The following GPC1 variants were observed in gnomAD, a reference collection of about 807,000 sequenced individuals.
GPC1 encodes glypican 1, also known as glypican-1.
In GPC1, 26 loss-of-function variants were observed where a neutral mutation model predicts 51.5. That is an observed-to-expected ratio of 0.50 (90% confidence interval 0.37 to 0.70). The LOEUF is 0.70. Among genes scored for constraint, GPC1 ranks in the 30% least tolerant of loss-of-function variants. The pLI, the probability that GPC1 is intolerant of heterozygous loss-of-function variation, is 0.00. For missense variants in GPC1, 775 were observed against 800.5 expected (o/e 0.97, Z 0.38); for synonymous variants, 380 against 348.3 (o/e 1.09, Z -1.01).
At chr2:240,454,064 G>A (rs1469944471) in intron 1 of GPC1, among the ~76,000 whole-genome samples, 1 of 116,040 alleles carries the variant, frequency 8.6e-6, no homozygotes, top group Non-Finnish European at 1.9e-5. Context: ...AAATGGTGGC[G>A]GGGGGGCTTC....
In GPC1 at chr2:240,462,228, G is replaced by A. The variant is rs150910728; in HGVS notation, c.363G>A (p.Thr121=). Residue 121 remains threonine (T), a synonymous_variant, in exon 3 of 9, where the codon ACG becomes ACA. Coordinates refer to ENST00000264039, the MANE Select transcript of GPC1 (RefSeq NM_002081.3). The stretch of plus-strand genomic sequence containing the variant: ...ACCTGCTGAACGACTCGGAGCGGAC[G>A]CTGCAGGCCACCTTCCCCGGCGCCT... ...FQHLLNDSER[T]LQATFPGAFG... 161 of 1,608,834 alleles carry A rather than the reference G, an allele frequency of 1.0e-4. 1 individual carries two copies. Among genetic ancestry groups the A allele is most frequent in the South Asian group, 9.3e-4 (84 of 90,756 alleles).
In GPC1 at chr2:240,459,200, C is replaced by T; in HGVS notation, c.325+12C>T. 6.2e-7 allele frequency: 1 copy of T among 1,608,848 alleles called. No homozygotes were observed. The highest frequency in any genetic ancestry group is 1.3e-5 in the African/African-American group (1 of 74,970). ...GCGCAGCTTCGATGGTGAGTGCCTC[C>T]CACGGGCGCTCGGGGCCCGCAGGGT... On this transcript the variant is annotated intron_variant, in intron 2 of 8. Transcript: ENST00000264039.
intron 1 of GPC1, chr2:240,449,525 AGTT>A (rs2074077744): frequency 4.2e-6 from 1 of 239,316 alleles, no homozygotes; most frequent in South Asian, 5.8e-5. Flanking sequence ...TGGGGAGAAG[AGTT>A]GTTTGCTTTT....
rs186038534 is a variant in GPC1 at position 240,467,267 on chromosome 2, T to A, written c.*977T>A. ...TGCTCACAGGGATGCTGGTGGCTGG[T>A]GAGACCCCGCACTGCAGACGGGAAT... On this transcript the variant is annotated 3_prime_UTR_variant, in exon 9 of 9. Coordinates refer to ENST00000264039, the MANE Select transcript of GPC1 (RefSeq NM_002081.3). The A allele has an allele frequency of 6.6e-6, 1 of 152,290 alleles. No homozygotes were observed. Among genetic ancestry groups the A allele is most frequent in the South Asian group, 2.1e-4 (1 of 4,836 alleles). 9.4% of individuals were successfully genotyped at this position (152,290 alleles called of 1,614,324 possible). A position where few individuals can be genotyped will look rare whatever the true frequency, so the allele number is the denominator to read the frequency against.
intron 1 of GPC1, chr2:240,458,332 T>G (rs1318768667): frequency 1.1e-5 from 3 of 275,270 alleles, no homozygotes; most frequent in African/African-American, 6.5e-5. Context: ...GCAGTGCCGC[T>G]GTCACTGCCT....
At position 240,465,087 on chromosome 2, in the gene GPC1, C is replaced by T; in HGVS notation, c.1145C>T (p.Ala382Val). The part of the protein sequence containing the change: ...SGTLEKLVSE[A>V]KAQLRDVQDF... ...ACTGCTGCCCCACAGGTCTCCGAAG[C>T]CAAGGCCCAGCTCCGCGACGTCCAG... Residue 382 changes from alanine to valine, a missense_variant, in exon 7 of 9, where the codon GCC becomes GTC. Transcript: ENST00000264039. The T allele has an allele frequency of 6.2e-7, 1 of 1,607,340 alleles. No homozygotes were observed. The highest frequency in any genetic ancestry group is 8.5e-7 in the Non-Finnish European group (1 of 1,177,748).
chr2:240,457,722 G>A lies in GPC1; in HGVS notation c.167-1308G>A, dbSNP rs143758097. On this transcript the variant is annotated intron_variant, in intron 1 of 8. Coordinates refer to ENST00000264039, the MANE Select transcript of GPC1 (RefSeq NM_002081.3). ...CGGGCTGACCCCGCCCTCGGTCCCG[G>A]TCCTGGCTCCCTCTCCTGCCTCTCC... 7.7e-3 allele frequency among the ~76,000 whole-genome samples: 1,170 copies of A among 152,236 alleles called. 3 individuals are homozygous for A. Among genetic ancestry groups the A allele is most frequent in the Non-Finnish European group, 0.012 (811 of 67,994 alleles).
chr2:240,444,101 G>A (rs1416676062), intron 1 of GPC1, among the ~76,000 whole-genome samples: 4 of 152,214 alleles, frequency 2.6e-5, no homozygotes, highest in African/African-American at 4.8e-5. Flanking sequence ...AACACGGCCC[G>A]GCTTCTTTGC....
At position 240,462,177 on chromosome 2, in the gene GPC1, C is replaced by G. The variant is rs1559202160; in HGVS notation, c.326-14C>G. 5 of 1,564,360 alleles carry G rather than the reference C, an allele frequency of 3.2e-6. No individual in the cohort carries two copies. Among genetic ancestry groups the G allele is most frequent in the Admixed American group, 3.5e-5 (2 of 56,712 alleles). On this transcript the variant is annotated splice_polypyrimidine_tract_variant and intron_variant, in intron 2 of 8. Coordinates refer to ENST00000264039, the MANE Select transcript of GPC1 (RefSeq NM_002081.3). ...GGAAACATGGTCCCGATCACGCCCC[C>G]TCCCTGTGCGCAGACCACTTCCAGC...
At chr2:240,465,241 C>A in intron 7 of GPC1, 31 bp downstream of exon 7, 2 of 1,576,798 alleles carry the variant, frequency 1.3e-6, no homozygotes, top group Middle Eastern at 1.7e-4. Context: ...CACAGCCCTC[C>A]CTCCCATGCC....
At chr2:240,450,971 C>A in intron 1 of GPC1, 1 of 402,676 alleles carries the variant, frequency 2.5e-6, no homozygotes. Flanking sequence ...AGTGGCAGGT[C>A]ACAGCTGGGT....
In GPC1 at chr2:240,462,357, C is replaced by G. The variant is rs748610232; in HGVS notation, c.492C>G (p.Ala164=). ...ACCTGCACCTGGAGGAGACGCTGGCCGAGTTCTGGGCCCGCCTGCTCGAGC... is the reference window on the plus strand; with the variant it reads ...ACCTGCACCTGGAGGAGACGCTGGCGGAGTTCTGGGCCCGCCTGCTCGAGC... ...GANLHLEETL[A]EFWARLLERL... Residue 164 remains alanine (A), a synonymous_variant, in exon 3 of 9, where the codon GCC becomes GCG. Transcript: ENST00000264039. 38 of 1,595,636 alleles carry G rather than the reference C, an allele frequency of 2.4e-5. No homozygotes were observed. The Admixed American group carries it at 6.6e-4, about 28-fold the overall frequency.
intron 1 of GPC1, among the ~76,000 whole-genome samples, chr2:240,444,588 C>CACCATCAGCAGTG (rs1171600061): frequency 3.0e-5 from 3 of 101,516 alleles, no homozygotes; most frequent in Admixed American, 1.1e-4. Context: ...TTCCTGGGTG[C>CACCATCAGCAGTG]GCCATCAGCA....
chr2:240,446,127 A>G (rs1026317421), intron 1 of GPC1, among the ~76,000 whole-genome samples: 16 of 152,324 alleles, frequency 1.1e-4, no homozygotes, highest in African/African-American at 3.1e-4. Flanking sequence ...AGAGAAGGAG[A>G]GGCTTGGGGC....
intron 1 of GPC1, among the ~76,000 whole-genome samples, 198 bp downstream of exon 1, chr2:240,436,282 C>G (rs895995873): frequency 8.5e-5 from 13 of 152,218 alleles, no homozygotes; most frequent in Non-Finnish European, 1.3e-4. Context: ...CGCCGCACTC[C>G]CTCGCCAGGG....
rs373974894 is a variant in GPC1 at position 240,459,177 on chromosome 2, G to A, written c.314G>A (p.Arg105His). 1.8e-5 allele frequency: 29 copies of A among 1,611,708 alleles called. No individual in the cohort carries two copies. The highest frequency in any genetic ancestry group is 8.8e-5 in the South Asian group (8 of 90,970). ...CAGGCCATGCTTGCCACCCAGCTGC[G>A]CAGCTTCGATGGTGAGTGCCTCCCA... is the stretch of plus-strand genomic sequence containing the variant. Reference protein sequence around the residue: ...VLQAMLATQLRSFDDHFQHLL... With the variant: ...VLQAMLATQLHSFDDHFQHLL... Residue 105 changes from arginine (R) to histidine (H), a missense_variant, in exon 2 of 9, where the codon CGC (arginine) becomes CAC (histidine). Coordinates refer to ENST00000264039, the MANE Select transcript of GPC1 (RefSeq NM_002081.3).
intron 1 of GPC1, chr2:240,457,834 G>C (rs945734106): frequency 6.0e-6 from 2 of 332,974 alleles, no homozygotes; most frequent in Non-Finnish European, 1.2e-5. Flanking sequence ...CCCTGGCCCA[G>C]GGTCCCAGAA....
At position 240,459,201 on chromosome 2, in the gene GPC1, C is replaced by T; in HGVS notation, c.325+13C>T. 1 of 1,608,348 alleles carries T rather than the reference C, an allele frequency of 6.2e-7. No homozygotes were observed. The highest frequency in any genetic ancestry group is 1.3e-5 in the African/African-American group (1 of 74,968). On this transcript the variant is annotated intron_variant, in intron 2 of 8. Transcript: ENST00000264039. ...CGCAGCTTCGATGGTGAGTGCCTCCCACGGGCGCTCGGGGCCCGCAGGGTG... is the reference window on the plus strand; with the variant it reads ...CGCAGCTTCGATGGTGAGTGCCTCCTACGGGCGCTCGGGGCCCGCAGGGTG...
intron 1 of GPC1, chr2:240,452,501 T>TC (rs1044371742): frequency 2.6e-5 from 4 of 152,030 alleles, no homozygotes; most frequent in African/African-American, 9.7e-5. Flanking sequence ...GGGCCCCGGC[T>TC]CCCCCGAGCG....
Sources: allele counts gnomAD v4.1 joint callset (sites outside exome capture counted in the v4.1 genomes callset), GRCh38; gene constraint gnomAD v4.1.1; transcripts MANE v1.5; gene names NCBI Gene and HGNC (gene_info 2026-07-23, HGNC 2026-07-21).